Variants in KPNA4 observed in about 807,000 individuals in gnomAD.
The protein encoded by KPNA4 is importin subunit alpha-3.
In KPNA4, 13 loss-of-function variants were observed where a neutral mutation model predicts 71.3. The observed-to-expected ratio is 0.18, with a 90% confidence interval of 0.12 to 0.29. KPNA4 has a LOEUF of 0.29. Ranked by LOEUF, KPNA4 falls within the 10% of genes least tolerant of loss-of-function variation. The probability of loss-of-function intolerance (pLI) is 1.00; values close to 1 mark genes in which losing one functional copy is unlikely to be tolerated. For synonymous variants in KPNA4, 189 were observed against 195.2 expected, an observed-to-expected ratio of 0.97 and a Z score of 0.26; for missense variants, 334 against 603.2, an observed-to-expected ratio of 0.55 and a Z score of 4.67.
chr3:160,513,881 C>T (rs1273350929), intron 13 of KPNA4, among the ~76,000 whole-genome samples, 196 bp downstream of exon 13: 2 of 151,724 alleles, frequency 1.3e-5, no homozygotes, highest in African/African-American at 2.4e-5. Flanking sequence ...CTAGGATTTG[C>T]CCCCCACCCC....
intron 8 of KPNA4, among the ~76,000 whole-genome samples, chr3:160,526,463 A>G (rs995078272): frequency 1.3e-5 from 2 of 152,228 alleles, no homozygotes; most frequent in Non-Finnish European, 2.9e-5. Context: ...CCCGTATCAG[A>G]GCATCAAGGT....
chr3:160,529,705 G>A lies in KPNA4; in HGVS notation c.469+1150C>T, dbSNP rs186235330. 1.7e-3 allele frequency among the ~76,000 whole-genome samples: 256 copies of A among 151,628 alleles called. 2 individuals are homozygous for A. The highest frequency in any genetic ancestry group is 2.7e-3 in the Non-Finnish European group (183 of 67,932). Reference sequence around the variant, plus strand: ...TACTATTCATGAAGACAATACACTCGGGTTCTTACTTCCAATAATTTTCCA... The same window carrying A: ...TACTATTCATGAAGACAATACACTCAGGTTCTTACTTCCAATAATTTTCCA... On this transcript the variant is annotated intron_variant, in intron 7 of 16. Transcript: ENST00000334256.
At chr3:160,504,907 C>T in intron 16 of KPNA4, 51 bp downstream of exon 16, 2 of 825,070 alleles carry the variant, frequency 2.4e-6, no homozygotes, top group Non-Finnish European at 3.6e-6. Flanking sequence ...TTACTTTATC[C>T]AGATCTATGT....
chr3:160,511,408 A>G (rs1476695318), intron 13 of KPNA4, among the ~76,000 whole-genome samples: 1 of 152,162 alleles, frequency 6.6e-6, no homozygotes, highest in African/African-American at 2.4e-5. Context: ...CCCGGCCACT[A>G]TTCTTTAAAG....
At position 160,514,146 on chromosome 3, in the gene KPNA4, T is replaced by G; in HGVS notation, c.1068A>C (p.Gly356=). Reference sequence around the variant, plus strand: ...TTACTGCCTGTACCTGCTGCTGATTTCCTGCAGTGATGTTGGAGAGGAACC... The same window carrying G: ...TTACTGCCTGTACCTGCTGCTGATTGCCTGCAGTGATGTTGGAGAGGAACC... The part of the protein sequence containing the change: ...AVWFLSNITA[G]NQQQVQAVID... The change falls in exon 13 of 17, where the codon GGA becomes GGC. Residue 356 remains glycine (G), a synonymous_variant. Transcript: ENST00000334256. 1.9e-6 allele frequency: 3 copies of G among 1,601,982 alleles called. No individual in the cohort carries two copies. Among genetic ancestry groups the G allele is most frequent in the Non-Finnish European group, 2.6e-6 (3 of 1,176,230 alleles).
chr3:160,526,449 T>C (rs570878905), intron 8 of KPNA4, among the ~76,000 whole-genome samples: 70 of 152,352 alleles, frequency 4.6e-4, no homozygotes, highest in Non-Finnish European at 9.3e-4. Context: ...TTTGTACTTA[T>C]GATCCCGTAT....
intron 7 of KPNA4, among the ~76,000 whole-genome samples, chr3:160,529,863 C>T (rs2108551622): frequency 6.6e-6 from 1 of 151,282 alleles, no homozygotes; most frequent in African/African-American, 2.4e-5. Flanking sequence ...GGCGTGGTGG[C>T]TCACACCTGT....
intron 1 of KPNA4, among the ~76,000 whole-genome samples, chr3:160,553,414 CAT>C (rs1181470311): frequency 1.3e-5 from 2 of 152,260 alleles, no homozygotes; most frequent in Non-Finnish European, 2.9e-5. Flanking sequence ...AGTAATTTAA[CAT>C]AGAATTACGT....
chr3:160,514,089 G>A lies in KPNA4; in HGVS notation c.1125C>T (p.His375=). The A allele has an allele frequency of 1.3e-6, 2 of 1,565,754 alleles. No individual in the cohort carries two copies. Among genetic ancestry groups the A allele is most frequent in the Non-Finnish European group, 1.7e-6 (2 of 1,160,870 alleles). Reference sequence around the variant, plus strand: ...ATGATTTTCTTACCTTATCCAAAAGGTGTATTATCATTGGTACAAGATTGG... The same window carrying A: ...ATGATTTTCTTACCTTATCCAAAAGATGTATTATCATTGGTACAAGATTGG... ...IDANLVPMII[H]LLDKGDFGTQ... Residue 375 remains histidine (H), a synonymous_variant, in exon 13 of 17, where the codon CAC becomes CAT. Transcript: ENST00000334256.
At chr3:160,521,213 AAGAAG>A (rs1721343045) in intron 11 of KPNA4, among the ~76,000 whole-genome samples, 2 of 152,180 alleles carry the variant, frequency 1.3e-5, no homozygotes, top group African/African-American at 2.4e-5. Context: ...GAAGAACAAA[AAGAAG>A]AGGAGTAGGA....
At chr3:160,528,739 A>G (rs1297285302) in intron 7 of KPNA4, among the ~76,000 whole-genome samples, 1 of 152,220 alleles carries the variant, frequency 6.6e-6, no homozygotes, top group African/African-American at 2.4e-5. Flanking sequence ...TTCCTGGGCC[A>G]TGTGGGATCT....
In KPNA4 at chr3:160,536,817, T is replaced by C. The variant is rs1721702851; in HGVS notation, c.93A>G (p.Glu31=). The change falls in exon 2 of 17, where the codon GAA becomes GAG. Residue 31 remains glutamate, a synonymous_variant. Transcript: ENST00000334256. The stretch of plus-strand genomic sequence containing the variant: ...TCACCTTCCTTAATTCAACTACAAC[T>C]TCATTTCGTTGTCTTCTCATAGTCT... ...DLETMRRQRN[E]VVVELRKNKR... 8.2e-6 allele frequency: 13 copies of C among 1,584,552 alleles called. No homozygotes were observed. The highest frequency in any genetic ancestry group is 8.6e-6 in the Non-Finnish European group (10 of 1,156,536).
At chr3:160,505,339 T>A (rs1171049034) in intron 15 of KPNA4, among the ~76,000 whole-genome samples, 2 of 152,138 alleles carry the variant, frequency 1.3e-5, no homozygotes, top group Non-Finnish European at 2.9e-5. Context: ...ATAACCAATG[T>A]TTATAACCAG....
intron 1 of KPNA4, among the ~76,000 whole-genome samples, chr3:160,549,366 A>C (rs936230384): frequency 6.6e-6 from 1 of 152,196 alleles, no homozygotes; most frequent in African/African-American, 2.4e-5. Context: ...CCAAGACCAA[A>C]GTTATAAAAC....
At chr3:160,538,698 A>G (rs1258139066) in intron 1 of KPNA4, among the ~76,000 whole-genome samples, 1 of 152,064 alleles carries the variant, frequency 6.6e-6, no homozygotes, top group Non-Finnish European at 1.5e-5. Context: ...CCTTCCCTAA[A>G]TACCACTGCT....
chr3:160,544,230 G>A (rs1008265648), intron 1 of KPNA4, among the ~76,000 whole-genome samples: 1 of 152,184 alleles, frequency 6.6e-6, no homozygotes, highest in Non-Finnish European at 1.5e-5. Context: ...TCATGTATAT[G>A]TGCGCACTGG....
intron 1 of KPNA4, among the ~76,000 whole-genome samples, chr3:160,558,644 TAA>T (rs1722187675): frequency 6.6e-6 from 1 of 152,142 alleles, no homozygotes; most frequent in Non-Finnish European, 1.5e-5. Flanking sequence ...AATGGTAAAC[TAA>T]AAGAGTGGCA....
At chr3:160,552,101 G>A (rs1393433978) in intron 1 of KPNA4, among the ~76,000 whole-genome samples, 1 of 152,010 alleles carries the variant, frequency 6.6e-6, no homozygotes, top group Non-Finnish European at 1.5e-5. Flanking sequence ...ATTCTAATGA[G>A]TTACTCTCAT....
At chr3:160,546,002 A>T (rs1721897843) in intron 1 of KPNA4, among the ~76,000 whole-genome samples, 1 of 152,164 alleles carries the variant, frequency 6.6e-6, no homozygotes, top group South Asian at 2.1e-4. Flanking sequence ...TCTAAGTTTA[A>T]GGTACTGATA....
Sources: allele counts gnomAD v4.1 joint callset (sites outside exome capture counted in the v4.1 genomes callset), GRCh38; gene constraint gnomAD v4.1.1; transcripts MANE v1.5; gene names NCBI Gene and HGNC (gene_info 2026-07-23, HGNC 2026-07-21).